The following SIM2 variants were observed in gnomAD, a reference collection of about 807,000 sequenced individuals.
The protein encoded by SIM2 is single-minded homolog 2.
In SIM2, 28 loss-of-function variants were observed where a neutral mutation model predicts 64.8. The ratio of observed to expected loss-of-function variants is 0.43; its 90% CI spans 0.32 to 0.59. The LOEUF (loss-of-function observed/expected upper bound fraction) is 0.59, where lower values mean the gene tolerates loss of function less well. Among genes scored for constraint, SIM2 ranks in the 20% least tolerant of loss-of-function variants. The pLI, the probability that SIM2 is intolerant of heterozygous loss-of-function variation, is 0.07. For synonymous variants in SIM2, 408 were observed against 391.1 expected, an observed-to-expected ratio of 1.04 and a Z score of -0.51; for missense variants, 847 against 871.4, an observed-to-expected ratio of 0.97 and a Z score of 0.35.
In SIM2 at chr21:36,745,923, T is replaced by C; in HGVS notation, c.1576+787T>C. 7.8e-6 allele frequency: 10 copies of C among 1,276,002 alleles called. No homozygotes were observed. Among genetic ancestry groups the C allele is most frequent in the Non-Finnish European group, 1.0e-5 (10 of 971,474 alleles). 79.0% of individuals were successfully genotyped at this position (1,276,002 alleles called of 1,614,324 possible). On this transcript the variant is annotated intron_variant, in intron 10 of 10. Transcript: ENST00000290399. This position sits in a 1 kb window ranked among gnomAD's most constrained non-coding sequence, Gnocchi z 4.8. ...CAGAGGTTTAGCTGCAGGACATGTA[T>C]TCCCATTGCACCGAGACCTAACTGC...
Position 36,731,060 on chromosome 21 carries a change from G to T in SIM2, c.759G>T (p.Thr253=). ...GCCCCCACAGGGTGACCGAGGTGAC[G>T]GGGTACGAGCCGCAGGACCTGATCG... ...IFLDSRVTEV[T]GYEPQDLIEK... is the part of the protein sequence containing the mutation. The change falls in exon 7 of 11, where the codon ACG becomes ACT. Residue 253 remains threonine, a synonymous_variant. Coordinates refer to ENST00000290399, the MANE Select transcript of SIM2 (RefSeq NM_005069.6). 1 of 1,613,950 alleles carries T rather than the reference G, an allele frequency of 6.2e-7. No individual in the cohort carries two copies. The highest frequency in any genetic ancestry group is 8.5e-7 in the Non-Finnish European group (1 of 1,179,914).
At chr21:36,736,129 T>C (rs1399813461) in intron 7 of SIM2, among the ~76,000 whole-genome samples, 1 of 152,144 alleles carries the variant, frequency 6.6e-6, no homozygotes, top group Non-Finnish European at 1.5e-5. Flanking sequence ...CGAGTGTAGC[T>C]GGAGGTAGCC....
chr21:36,737,513 G>T (rs1185098177), intron 7 of SIM2, among the ~76,000 whole-genome samples: 1 of 152,236 alleles, frequency 6.6e-6, no homozygotes, highest in Non-Finnish European at 1.5e-5. Context: ...AGGGATCAGT[G>T]TCAGTAAACC....
Position 36,726,018 on chromosome 21 carries a change from G to T in SIM2, c.544-101G>T. ...GGCCGCACAGTGGAGTAGAGGCTGG[G>T]CTGGGAGATATTCTAGCATGTTTGA... On this transcript the variant is annotated intron_variant, in intron 5 of 10. Coordinates refer to ENST00000290399, the MANE Select transcript of SIM2 (RefSeq NM_005069.6). The surrounding 1 kb of genome is among the most constrained non-coding windows in gnomAD (Gnocchi z 4.5). 18 of 953,606 alleles carry T rather than the reference G, an allele frequency of 1.9e-5. No homozygotes were observed. Among genetic ancestry groups the T allele is most frequent in the Non-Finnish European group, 2.9e-5 (18 of 610,840 alleles). The allele number at this position is 953,606 out of a possible 1,614,324, so 59.1% of individuals were successfully genotyped here. A position where few individuals can be genotyped will look rare whatever the true frequency, so the allele number is the denominator to read the frequency against.
intron 1 of SIM2, among the ~76,000 whole-genome samples, chr21:36,703,372 C>T (rs551692981): frequency 4.6e-5 from 7 of 152,294 alleles, no homozygotes; most frequent in Non-Finnish European, 8.8e-5. Flanking sequence ...GGCCCATTAG[C>T]AATGCACAGG....
chr21:36,730,447 T>A (rs771323678), intron 6 of SIM2, among the ~76,000 whole-genome samples: 1 of 152,068 alleles, frequency 6.6e-6, no homozygotes, highest in Non-Finnish European at 1.5e-5. Context: ...AGACAGAAAG[T>A]ACAAGGGAGG....
At chr21:36,744,649 G>A (rs775600262) in intron 9 of SIM2, 79 bp from the exon 10 acceptor site, 90 of 1,482,082 alleles carry the variant, frequency 6.1e-5, no homozygotes, top group Non-Finnish European at 7.2e-5. Flanking sequence ...GGGCCCCGTC[G>A]GGACGGTTCT....
At chr21:36,731,490 C>G (rs2088968675) in intron 7 of SIM2, among the ~76,000 whole-genome samples, 2 of 152,202 alleles carry the variant, frequency 1.3e-5, no homozygotes, top group African/African-American at 2.4e-5. Flanking sequence ...TTATGGAGCT[C>G]TTACTGCTGT....
At position 36,712,518 on chromosome 21, in the gene SIM2, C is replaced by T; in HGVS notation, c.259-15C>T. On this transcript the variant is annotated splice_polypyrimidine_tract_variant and intron_variant, in intron 2 of 10. Transcript: ENST00000290399. ...AGAATGATCATCTCTTATTCTGACA[C>T]TTTATCTTTTACAGACTTTGGATGG... 6.4e-7 allele frequency: 1 copy of T among 1,567,428 alleles called. No individual in the cohort carries two copies.
At chr21:36,706,046 C>G (rs2123417388) in intron 1 of SIM2, among the ~76,000 whole-genome samples, 1 of 152,306 alleles carries the variant, frequency 6.6e-6, no homozygotes, top group Middle Eastern at 3.4e-3. Context: ...GGAACTATCT[C>G]CCCGTTTGCT....
intron 7 of SIM2, among the ~76,000 whole-genome samples, chr21:36,736,371 G>A (rs1411320074): frequency 1.3e-5 from 2 of 152,334 alleles, no homozygotes; most frequent in South Asian, 2.1e-4. Context: ...CTCTGCAGAG[G>A]CCTGATTGGA....
intron 3 of SIM2, among the ~76,000 whole-genome samples, 192 bp from the exon 4 acceptor site, chr21:36,719,629 T>C (rs1377526406): frequency 3.3e-5 from 5 of 152,170 alleles, no homozygotes; most frequent in Non-Finnish European, 1.5e-5. Context: ...TTAGACAGTG[T>C]GGGAGACAGT....
intron 5 of SIM2, among the ~76,000 whole-genome samples, chr21:36,723,487 C>G (rs2088851058): frequency 6.6e-6 from 1 of 152,200 alleles, no homozygotes; most frequent in African/African-American, 2.4e-5. Flanking sequence ...GTATCCAGAG[C>G]ACGGACACTG....
chr21:36,735,530 T>G (rs770516683), intron 7 of SIM2, among the ~76,000 whole-genome samples: 27 of 151,724 alleles, frequency 1.8e-4, no homozygotes, highest in Non-Finnish European at 2.8e-4. Context: ...TCCCCCACAC[T>G]CTCCAGCTCT....
chr21:36,743,466 T>C lies in SIM2; in HGVS notation c.1078T>C (p.Leu360=), dbSNP rs778702815. The C allele has an allele frequency of 3.7e-6, 6 of 1,613,984 alleles. No homozygotes were observed. The African/African-American group carries it at 4.0e-5, about 11-fold the overall frequency. The change falls in exon 9 of 11, where the codon TTG becomes CTG. Residue 360 remains leucine, a synonymous_variant. Coordinates refer to ENST00000290399, the MANE Select transcript of SIM2 (RefSeq NM_005069.6). ...AKSQDSWRTA[L]STSQETRKLV... is the part of the protein sequence containing the mutation. ...GTCCCAGGACTCCTGGAGGACCGCC[T>C]TGTCTACCTCACAAGAAACTAGGAA...
At chr21:36,740,009 G>GAAAGAA (rs1555877199) in intron 7 of SIM2, among the ~76,000 whole-genome samples, 2 of 131,234 alleles carry the variant, frequency 1.5e-5, no homozygotes, top group African/African-American at 6.1e-5. Context: ...GAAAGAAAGA[G>GAAAGAA]AGAAAGAAAG....
chr21:36,734,781 G>A (rs2089020425), intron 7 of SIM2, among the ~76,000 whole-genome samples: 1 of 152,156 alleles, frequency 6.6e-6, no homozygotes. Context: ...TCAGAGTCGG[G>A]GTCTTCATGG....
In SIM2 at chr21:36,745,545, T is replaced by C; in HGVS notation, c.1576+409T>C. The C allele has an allele frequency of 1.8e-6, 2 of 1,118,644 alleles. No individual in the cohort carries two copies. Among genetic ancestry groups the C allele is most frequent in the Non-Finnish European group, 2.2e-6 (2 of 903,042 alleles). The allele number at this position is 1,118,644 out of a possible 1,614,324, so 69.3% of individuals were successfully genotyped here. On this transcript the variant is annotated intron_variant, in intron 10 of 10. Transcript: ENST00000290399. The surrounding 1 kb of genome is among the most constrained non-coding windows in gnomAD (Gnocchi z 4.8). Reference sequence around the variant, plus strand: ...TGAATATTTGAGACAAACGGCCTATTGGCTATTTTCCCATGCCAGTTTTGG... The same window carrying C: ...TGAATATTTGAGACAAACGGCCTATCGGCTATTTTCCCATGCCAGTTTTGG...
chr21:36,708,198 C>T (rs1321087667), intron 1 of SIM2, among the ~76,000 whole-genome samples: 1 of 152,198 alleles, frequency 6.6e-6, no homozygotes, highest in East Asian at 1.9e-4. Context: ...GGAAAGATTC[C>T]GGGGAGGGCT....
Sources: allele counts gnomAD v4.1 joint callset (sites outside exome capture counted in the v4.1 genomes callset), GRCh38; gene constraint gnomAD v4.1.1; non-coding constraint Gnocchi (gnomAD v3.1); transcripts MANE v1.5; gene names NCBI Gene and HGNC (gene_info 2026-07-23, HGNC 2026-07-21).